Variants in PRDM2 observed in about 807,000 individuals in gnomAD.
The protein encoded by PRDM2 is PR domain zinc finger protein 2.
PRDM2 carries 30 observed loss-of-function variants against 130.0 expected under a neutral mutation model. The observed-to-expected ratio is 0.23, with a 90% CI of 0.17 to 0.31. The LOEUF (loss-of-function observed/expected upper bound fraction) is 0.31. Ranked by LOEUF, PRDM2 falls within the 10% of genes least tolerant of loss-of-function variation. The probability of loss-of-function intolerance (pLI) is 1.00; values close to 1 mark genes in which losing one functional copy is unlikely to be tolerated. For synonymous variants in PRDM2, 871 were observed against 782.4 expected, an observed-to-expected ratio of 1.11 and a Z score of -1.89; for missense variants, 2,011 against 2,108.4, an observed-to-expected ratio of 0.95 and a Z score of 0.90.
rs1642022825 is a variant in PRDM2, at chr1:13,700,231, C to T, written c.-135C>T. ...GATGGCGGCGGCGCGGCCGCGGGCGCCGGGGCCGGCGAAACAGCGGCGGCG... is the reference window on the plus strand; with the variant it reads ...GATGGCGGCGGCGCGGCCGCGGGCGTCGGGGCCGGCGAAACAGCGGCGGCG... On this transcript the variant is annotated 5_prime_UTR_variant, in exon 1 of 10. Coordinates refer to ENST00000311066, the MANE Select transcript of PRDM2 (RefSeq NM_001393986.1). 1.3e-5 allele frequency: 2 copies of T among 152,456 alleles called. No individual in the cohort carries two copies. Among genetic ancestry groups the T allele is most frequent in the East Asian group, 1.9e-4 (1 of 5,168 alleles). 9.4% of individuals were successfully genotyped at this position (152,456 alleles called of 1,614,324 possible).
intron 6 of PRDM2, among the ~76,000 whole-genome samples, chr1:13,749,704 C>G (rs1007675802): frequency 6.6e-6 from 1 of 151,818 alleles, no homozygotes; most frequent in Non-Finnish European, 1.5e-5. Flanking sequence ...TGCCCTCCCG[C>G]CCTGCCGACC....
intron 7 of PRDM2, chr1:13,773,603 A>G (rs964448622): frequency 3.3e-5 from 5 of 152,432 alleles, no homozygotes; most frequent in African/African-American, 7.2e-5. Context: ...AGTTCTAGCT[A>G]CTTGACAGGC....
chr1:13,716,018 T>G (rs182457246), intron 2 of PRDM2, among the ~76,000 whole-genome samples: 274 of 152,286 alleles, frequency 1.8e-3, no homozygotes, highest in South Asian at 5.0e-3. Flanking sequence ...ATTGCGGCAT[T>G]ATTCACAATA....
intron 8 of PRDM2, among the ~76,000 whole-genome samples, chr1:13,794,509 T>C (rs1557664584): frequency 6.6e-6 from 1 of 152,208 alleles, no homozygotes; most frequent in Non-Finnish European, 1.5e-5. Context: ...ATATTTGAAT[T>C]CTGGCTTTAT....
chr1:13,823,046 A>C, intron 9 of PRDM2, 113 bp from the exon 10 acceptor site: 1 of 1,034,254 alleles, frequency 9.7e-7, no homozygotes, highest in Non-Finnish European at 1.5e-6. Flanking sequence ...TATGTATGGT[A>C]TGTTTCAATA....
At chr1:13,798,059 G>A (rs1473580582) in intron 8 of PRDM2, among the ~76,000 whole-genome samples, 1 of 152,130 alleles carries the variant, frequency 6.6e-6, no homozygotes, top group African/African-American at 2.4e-5. Flanking sequence ...CAGCTCAGGA[G>A]CTGGGGACAT....
At chr1:13,776,848 C>G (rs943677658) in intron 7 of PRDM2, among the ~76,000 whole-genome samples, 5 of 152,156 alleles carry the variant, frequency 3.3e-5, no homozygotes, top group Non-Finnish European at 7.3e-5. Context: ...ACACAATCCT[C>G]TCATCCCTCT....
chr1:13,753,200 A>G (rs1643879089), intron 6 of PRDM2, among the ~76,000 whole-genome samples: 1 of 152,242 alleles, frequency 6.6e-6, no homozygotes, highest in Non-Finnish European at 1.5e-5. Context: ...TTAAGAGAGA[A>G]GAGTTTATAG....
rs796088474 is a variant in PRDM2, at chr1:13,787,447, G to A, written c.5036+4616G>A. 70 of 985,222 alleles carry A rather than the reference G, an allele frequency of 7.1e-5. No homozygotes were observed. In the African/African-American group the frequency reaches 1.1e-3, roughly 15 times the overall value. The allele number at this position is 985,222 out of a possible 1,614,324, so 61.0% of individuals were successfully genotyped here. ...ATTAATGACTGAGTTGGTGGAAAGC[G>A]GCTAGGTTTTATTCATACTGTTTTT... On this transcript the variant is annotated intron_variant, in intron 8 of 9. Coordinates refer to ENST00000311066, the MANE Select transcript of PRDM2 (RefSeq NM_001393986.1).
intron 8 of PRDM2, among the ~76,000 whole-genome samples, chr1:13,784,590 C>T (rs984661003): frequency 3.3e-5 from 5 of 152,210 alleles, no homozygotes; most frequent in African/African-American, 9.7e-5. Context: ...CAAATAGCCT[C>T]TACCCAGTGT....
At chr1:13,778,335 T>A (rs1644525594) in intron 7 of PRDM2, 83 bp from the exon 8 acceptor site, 2 of 1,369,312 alleles carry the variant, frequency 1.5e-6, no homozygotes. Flanking sequence ...GTAAGAGAAA[T>A]AACTTGAATC....
At chr1:13,821,020 G>A (rs890328572) in intron 9 of PRDM2, among the ~76,000 whole-genome samples, 1 of 138,386 alleles carries the variant, frequency 7.2e-6, no homozygotes, top group African/African-American at 2.8e-5. Context: ...CCACTCCCCC[G>A]CAAACAGCCC....
intron 6 of PRDM2, among the ~76,000 whole-genome samples, chr1:13,763,451 A>G (rs1039592579): frequency 6.6e-6 from 1 of 152,166 alleles, no homozygotes; most frequent in African/African-American, 2.4e-5. Flanking sequence ...AGTCTTTATA[A>G]CTGTGTGTCC....
intron 2 of PRDM2, among the ~76,000 whole-genome samples, chr1:13,721,228 C>G (rs1362413352): frequency 6.6e-6 from 1 of 152,064 alleles, no homozygotes; most frequent in African/African-American, 2.4e-5. Flanking sequence ...TATGGGAGAC[C>G]ATCTGACCAT....
At chr1:13,724,619 C>T (rs892499639) in intron 2 of PRDM2, among the ~76,000 whole-genome samples, 5 of 151,638 alleles carry the variant, frequency 3.3e-5, no homozygotes, top group Admixed American at 6.6e-5. Flanking sequence ...CTCAGCCTCC[C>T]GAGTAGCTGA....
intron 4 of PRDM2, among the ~76,000 whole-genome samples, chr1:13,737,424 T>G (rs11806234): frequency 0.014 from 2,181 of 152,322 alleles, 49 homozygotes; most frequent in African/African-American, 0.049. Context: ...GCAGTGGTGA[T>G]GGAGACCATA....
chr1:13,783,778 A>G (rs189943835), intron 8 of PRDM2, among the ~76,000 whole-genome samples: 10 of 152,360 alleles, frequency 6.6e-5, no homozygotes, highest in Non-Finnish European at 2.9e-5. Flanking sequence ...ATTACTCATC[A>G]GATAGCATTT....
chr1:13,738,335 T>G (rs965597140), intron 4 of PRDM2, among the ~76,000 whole-genome samples: 1 of 152,208 alleles, frequency 6.6e-6, no homozygotes, highest in African/African-American at 2.4e-5. Flanking sequence ...CTTATACGGT[T>G]ATATGGGATT....
chr1:13,795,110 G>A (rs541028268), intron 8 of PRDM2, among the ~76,000 whole-genome samples: 1 of 152,246 alleles, frequency 6.6e-6, no homozygotes, highest in East Asian at 1.9e-4. Flanking sequence ...ATTTCTTTTG[G>A]TTTTGAATTT....
Sources: gnomAD v4.1 joint callset for allele counts (sites outside exome capture counted in the v4.1 genomes callset) on GRCh38, gnomAD v4.1.1 for gene constraint, MANE v1.5 for transcripts, NCBI Gene and HGNC (gene_info 2026-07-23, HGNC 2026-07-21) for gene names.